Variants in SYT2 observed in about 807,000 individuals in gnomAD.
The protein encoded by SYT2 is synaptotagmin-2.
SYT2 carries 15 observed loss-of-function variants against 39.9 expected under a neutral mutation model. The ratio of observed to expected loss-of-function variants is 0.38; its 90% CI spans 0.25 to 0.58. The LOEUF (loss-of-function observed/expected upper bound fraction) is 0.58, where lower values mean the gene tolerates loss of function less well. Ranked by LOEUF, SYT2 falls within the 20% of genes least tolerant of loss-of-function variation. The pLI is 0.70. For missense variants in SYT2, 389 were observed against 530.3 expected (o/e 0.73, Z 2.62); for synonymous variants, 181 against 204.5 (o/e 0.89, Z 0.98).
In SYT2 at chr1:202,596,878, G is replaced by A. The variant is rs1690317400; in HGVS notation, c.1139C>T (p.Ala380Val). 1.9e-6 allele frequency: 3 copies of A among 1,614,214 alleles called. No homozygotes were observed. The highest frequency in any genetic ancestry group is 2.5e-6 in the Non-Finnish European group (3 of 1,180,040). Residue 380 changes from alanine (A) to valine (V), a missense_variant, in exon 9 of 9, where the codon GCC becomes GTC. Physicochemically the swap from Ala to Val is moderately conservative, Grantham distance 64 (BLOSUM62 0). This residue lies in a region of SYT2 where 84 missense variants were observed against 123.1 expected (regional missense o/e 0.68). Coordinates refer to ENST00000367268, the MANE Select transcript of SYT2 (RefSeq NM_177402.5). ...CCAGTGCCGCAGCTCTGTGCCCGTG[G>A]CATTGCTGCCCACGAAGATCTTGCC... ...AIGKIFVGSN[A>V]TGTELRHWSD...
At chr1:202,620,190 T>C (rs1378664194) in intron 1 of SYT2, among the ~76,000 whole-genome samples, 2 of 151,766 alleles carry the variant, frequency 1.3e-5, no homozygotes, top group African/African-American at 4.9e-5. Context: ...CCGCTGTCCT[T>C]CTGTCTGCCC....
chr1:202,635,973 C>T (rs1691729881), intron 1 of SYT2, among the ~76,000 whole-genome samples: 2 of 152,228 alleles, frequency 1.3e-5, no homozygotes, highest in South Asian at 4.2e-4. Context: ...TCTGATCAGC[C>T]CCCTGCCTGC....
intron 1 of SYT2, chr1:202,631,953 G>T: frequency 1.2e-6 from 1 of 868,100 alleles, no homozygotes. Context: ...GGCCTCATTC[G>T]CCAGGCCCTG....
chr1:202,647,664 G>A (rs1692115133), intron 1 of SYT2, among the ~76,000 whole-genome samples: 1 of 152,196 alleles, frequency 6.6e-6, no homozygotes, highest in African/African-American at 2.4e-5. Context: ...CCTTGACCGA[G>A]TTCCCTCCCC....
chr1:202,675,373 ATATAT>A (rs1348903618), intron 1 of SYT2, among the ~76,000 whole-genome samples: 26 of 148,438 alleles, frequency 1.8e-4, no homozygotes, highest in East Asian at 1.9e-4. Flanking sequence ...TATAATTAAT[ATATAT>A]TATAATAATT....
chr1:202,676,458 A>C (rs1299080058), intron 1 of SYT2, among the ~76,000 whole-genome samples: 1 of 152,224 alleles, frequency 6.6e-6, no homozygotes, highest in East Asian at 1.9e-4. Context: ...AACACCTAGC[A>C]TGCAGACCCT....
rs1690403899 is a variant in SYT2 at position 202,599,093 on chromosome 1, C to T, written c.1053+125G>A. 5.1e-6 allele frequency: 7 copies of T among 1,359,646 alleles called. No homozygotes were observed. The highest frequency in any genetic ancestry group is 2.3e-5 in the Admixed American group (1 of 43,080). The allele number at this position is 1,359,646 out of a possible 1,614,324, so 84.2% of individuals were successfully genotyped here. A position where few individuals can be genotyped will look rare whatever the true frequency, so the allele number is the denominator to read the frequency against. ...GCCCCACCCAGGCACCATTAGACCT[C>T]GAGCCTTCCCCTACCAAGAAAGGCT... On this transcript the variant is annotated intron_variant, in intron 8 of 8. Coordinates refer to ENST00000367268, the MANE Select transcript of SYT2 (RefSeq NM_177402.5). This position sits in a 1 kb window ranked among gnomAD's most constrained non-coding sequence, Gnocchi z 4.4.
intron 1 of SYT2, chr1:202,636,307 A>G: frequency 1.0e-6 from 1 of 957,268 alleles, no homozygotes; most frequent in South Asian, 4.8e-5. Flanking sequence ...AGAGCAGTCC[A>G]CTGGGTTTGG....
intron 1 of SYT2, among the ~76,000 whole-genome samples, chr1:202,680,157 C>A (rs919792840): frequency 3.2e-4 from 49 of 152,336 alleles, no homozygotes; most frequent in African/African-American, 1.1e-3. Flanking sequence ...CACAGGCCTG[C>A]ACTTAGTTGG....
chr1:202,705,892 T>C (rs1027330269), intron 1 of SYT2, among the ~76,000 whole-genome samples: 7 of 152,038 alleles, frequency 4.6e-5, no homozygotes, highest in African/African-American at 1.7e-4. Flanking sequence ...AGGGTCTCCA[T>C]ATGTTGCCCA....
At position 202,631,259 on chromosome 1, in the gene SYT2, A is replaced by T. The variant is rs1459313516; in HGVS notation, c.-17-25470T>A. Among the ~76,000 whole-genome samples, 3 of 152,078 alleles carry T rather than the reference A, an allele frequency of 2.0e-5. No homozygotes were observed. In the East Asian group the frequency reaches 5.8e-4, roughly 29 times the overall value. The stretch of plus-strand genomic sequence containing the variant: ...ACCGCAGGGAGTTCCAGTTCACCCT[A>T]CAGATGACCCCTGCTTGGAGCTGTG... On this transcript the variant is annotated intron_variant, in intron 1 of 8. Transcript: ENST00000367268.
At chr1:202,684,032 T>C (rs1572677799) in intron 1 of SYT2, among the ~76,000 whole-genome samples, 1 of 152,014 alleles carries the variant, frequency 6.6e-6, no homozygotes, top group East Asian at 1.9e-4. Flanking sequence ...ATACATATTT[T>C]ACTGAAATAT....
chr1:202,596,685 C>A lies in SYT2; in HGVS notation c.*72G>T. On this transcript the variant is annotated 3_prime_UTR_variant, in exon 9 of 9. Transcript: ENST00000367268. ...AGAAAAAAGAAAACCTCTAAGGTTG[C>A]ATAACTGAGGTATTGATAGCTCTGG... 5.8e-6 allele frequency: 8 copies of A among 1,391,052 alleles called. No individual in the cohort carries two copies. The highest frequency in any genetic ancestry group is 7.0e-6 in the Non-Finnish European group (7 of 1,006,122). The allele number at this position is 1,391,052 out of a possible 1,614,324, so 86.2% of individuals were successfully genotyped here.
chr1:202,665,407 C>T (rs1228879159), intron 1 of SYT2, among the ~76,000 whole-genome samples: 1 of 152,160 alleles, frequency 6.6e-6, no homozygotes, highest in African/African-American at 2.4e-5. Flanking sequence ...GTACATATGA[C>T]AAGGCGCCTG....
chr1:202,641,371 TG>T (rs1691912510), intron 1 of SYT2, among the ~76,000 whole-genome samples: 1 of 152,150 alleles, frequency 6.6e-6, no homozygotes, highest in Non-Finnish European at 1.5e-5. Flanking sequence ...CACAGAACTG[TG>T]GGGTTGCAAG....
chr1:202,627,861 G>C (rs1691463614), intron 1 of SYT2, among the ~76,000 whole-genome samples: 1 of 152,226 alleles, frequency 6.6e-6, no homozygotes, highest in African/African-American at 2.4e-5. Context: ...AGACGACAGA[G>C]CTCAGGCCTT....
rs140748979 is a variant in SYT2, at chr1:202,692,169, C to T, written c.-18+18089G>A. On this transcript the variant is annotated intron_variant, in intron 1 of 8. Transcript: ENST00000367268. ...AGGGAGGGAGAGCCCAGATCTGGTA[C>T]CCTGCTCTGACCTGACATAGAGAAG... Among the ~76,000 whole-genome samples the T allele has an allele frequency of 2.8e-3, 432 of 152,190 alleles. 3 individuals carry two copies. Among genetic ancestry groups the T allele is most frequent in the African/African-American group, 9.7e-3 (401 of 41,512 alleles).
At chr1:202,709,928 C>T (rs1654354135) in intron 1 of SYT2, among the ~76,000 whole-genome samples, 1 of 152,150 alleles carries the variant, frequency 6.6e-6, no homozygotes, top group South Asian at 2.1e-4. Flanking sequence ...GGGACGGGGG[C>T]GCAGAGCCGG....
At chr1:202,612,152 T>C (rs536609262) in intron 1 of SYT2, among the ~76,000 whole-genome samples, 1 of 152,378 alleles carries the variant, frequency 6.6e-6, no homozygotes, top group South Asian at 2.1e-4. Flanking sequence ...TTGAAAAGAC[T>C]ATTCTGTCCT....
Sources: allele counts gnomAD v4.1 joint callset (sites outside exome capture counted in the v4.1 genomes callset), GRCh38; gene constraint gnomAD v4.1.1; regional missense constraint gnomAD v4.1.1; non-coding constraint Gnocchi (gnomAD v3.1); transcripts MANE v1.5; gene names NCBI Gene and HGNC (gene_info 2026-07-23, HGNC 2026-07-21).